The following TENM4 variants were observed in gnomAD, a reference collection of about 807,000 sequenced individuals.
The protein encoded by TENM4 is teneurin-4.
TENM4 carries 82 observed loss-of-function variants against 243.3 expected under a neutral mutation model. The ratio of observed to expected loss-of-function variants is 0.34; its 90% CI spans 0.28 to 0.40. The LOEUF (loss-of-function observed/expected upper bound fraction) is 0.40, where lower values mean the gene tolerates loss of function less well. Among genes scored for constraint, TENM4 ranks in the 10% least tolerant of loss-of-function variants. The probability of loss-of-function intolerance (pLI) is 1.00; values close to 1 mark genes in which losing one functional copy is unlikely to be tolerated. For synonymous variants in TENM4, 1,412 were observed against 1,456.3 expected (o/e 0.97, Z 0.69); for missense variants, 3,138 against 3,673.3 (o/e 0.85, Z 3.77).
intron 6 of TENM4, among the ~76,000 whole-genome samples, chr11:79,010,349 G>C (rs943221741): frequency 8.5e-5 from 13 of 152,162 alleles, no homozygotes; most frequent in Admixed American, 6.5e-5. Flanking sequence ...GAGGAATACA[G>C]AGTAAGTACT....
intron 1 of TENM4, among the ~76,000 whole-genome samples, chr11:79,339,901 A>T (rs994460866): frequency 5.3e-5 from 8 of 152,116 alleles, no homozygotes; most frequent in African/African-American, 1.7e-4. Context: ...GGTTGGGTGC[A>T]GGATGTGGGG....
intron 3 of TENM4, among the ~76,000 whole-genome samples, chr11:79,157,818 A>C (rs1339549426): frequency 5.3e-5 from 8 of 152,006 alleles, no homozygotes; most frequent in African/African-American, 1.4e-4. Flanking sequence ...GCTACTGTGA[A>C]CTCCAGAAGG....
intron 14 of TENM4, among the ~76,000 whole-genome samples, chr11:78,806,166 G>C (rs1040596783): frequency 7.9e-5 from 12 of 152,088 alleles, no homozygotes; most frequent in African/African-American, 2.7e-4. Flanking sequence ...AGGCATGGTG[G>C]CACACGCCTG....
chr11:78,798,880 T>A (rs1005225791), intron 15 of TENM4, among the ~76,000 whole-genome samples: 1 of 152,104 alleles, frequency 6.6e-6, no homozygotes, highest in Admixed American at 6.6e-5. Context: ...TGCTTCTGCT[T>A]TTGTGCTCCC....
At chr11:79,137,993 G>C (rs1244628894) in intron 4 of TENM4, among the ~76,000 whole-genome samples, 3 of 151,940 alleles carry the variant, frequency 2.0e-5, no homozygotes, top group African/African-American at 2.4e-5. Flanking sequence ...GGGTGTGTGT[G>C]TGAGGGTGTT....
intron 6 of TENM4, among the ~76,000 whole-genome samples, chr11:79,023,579 CATG>C (rs1858993370): frequency 3.7e-5 from 5 of 136,626 alleles, no homozygotes; most frequent in African/African-American, 1.4e-4. Flanking sequence ...AAAAAAAAAT[CATG>C]ATGACTCTTT....
chr11:79,050,866 A>G (rs1408149768), intron 6 of TENM4, among the ~76,000 whole-genome samples: 1 of 152,210 alleles, frequency 6.6e-6, no homozygotes, highest in Non-Finnish European at 1.5e-5. Flanking sequence ...AAGTGGCCTG[A>G]AGAAAATCAG....
chr11:78,804,685 G>A (rs1286492063), intron 15 of TENM4, among the ~76,000 whole-genome samples: 2 of 152,304 alleles, frequency 1.3e-5, no homozygotes, highest in East Asian at 3.9e-4. Context: ...ATGTGTTCAT[G>A]CATTCATTTA....
At position 78,687,356 on chromosome 11, in the gene TENM4, G is replaced by A. The variant is rs547631396; in HGVS notation, c.5260+698C>T. 2.6e-5 allele frequency among the ~76,000 whole-genome samples: 4 copies of A among 152,270 alleles called. No individual in the cohort carries two copies. In the East Asian group the frequency reaches 5.8e-4, roughly 22 times the overall value. ...ACCCTGAGGCTCCTTTCACTGCTTC[G>A]TGTGAAAGCCTTTGGAGGTACAAAG... On this transcript the variant is annotated intron_variant, in intron 29 of 33. Coordinates refer to ENST00000278550, the MANE Select transcript of TENM4 (RefSeq NM_001098816.3).
chr11:78,963,312 G>C (rs1411189171), intron 6 of TENM4, among the ~76,000 whole-genome samples: 1 of 152,186 alleles, frequency 6.6e-6, no homozygotes, highest in Non-Finnish European at 1.5e-5. Flanking sequence ...GGAGGCGATG[G>C]CTTGGGACAA....
At chr11:79,281,158 T>C (rs1052112969) in intron 2 of TENM4, among the ~76,000 whole-genome samples, 4 of 152,146 alleles carry the variant, frequency 2.6e-5, no homozygotes, top group Admixed American at 6.5e-5. Context: ...ACATTCAGAC[T>C]CAAAGGCAAC....
intron 2 of TENM4, among the ~76,000 whole-genome samples, chr11:79,283,213 A>C (rs200823749): frequency 0.01 from 1,366 of 136,008 alleles, 33 homozygotes; most frequent in East Asian, 0.082. Flanking sequence ...CACACACACA[A>C]ACACACACAC....
chr11:78,971,363 C>T (rs548223285), intron 6 of TENM4, among the ~76,000 whole-genome samples: 5 of 152,200 alleles, frequency 3.3e-5, no homozygotes, highest in East Asian at 1.9e-4. Context: ...AGTGCAGTGG[C>T]GCAATCTCGG....
intron 1 of TENM4, among the ~76,000 whole-genome samples, chr11:79,376,205 C>G (rs1006012726): frequency 6.6e-6 from 1 of 152,220 alleles, no homozygotes; most frequent in Non-Finnish European, 1.5e-5. Flanking sequence ...CTTGCAGAAG[C>G]TGTCCCTTCT....
rs575112013 is a variant in TENM4 at position 78,908,477 on chromosome 11, C to T, written c.494-4954G>A. ...CTGAATCATCACCATGGTGATCACT[C>T]TTCAGCGTTTACAACAGGGGTTCCA... is the stretch of plus-strand genomic sequence containing the variant. On this transcript the variant is annotated intron_variant, in intron 6 of 33. Coordinates refer to ENST00000278550, the MANE Select transcript of TENM4 (RefSeq NM_001098816.3). 2.1e-4 allele frequency among the ~76,000 whole-genome samples: 32 copies of T among 152,328 alleles called. No homozygotes were observed. The South Asian group carries it at 3.7e-3, about 18-fold the overall frequency.
At chr11:79,368,116 C>G (rs1857711655) in intron 1 of TENM4, among the ~76,000 whole-genome samples, 1 of 152,146 alleles carries the variant, frequency 6.6e-6, no homozygotes, top group South Asian at 2.1e-4. Flanking sequence ...CACCCCAAGA[C>G]TAGGGACTCC....
chr11:79,095,349 T>G (rs2137062459), intron 4 of TENM4, among the ~76,000 whole-genome samples: 1 of 152,330 alleles, frequency 6.6e-6, no homozygotes, highest in African/African-American at 2.4e-5. Context: ...TCTTGCCCTC[T>G]GCCTCCTTGC....
intron 3 of TENM4, among the ~76,000 whole-genome samples, chr11:79,205,272 T>A (rs1051392345): frequency 1.3e-5 from 2 of 152,178 alleles, no homozygotes; most frequent in African/African-American, 4.8e-5. Context: ...TATAAAATAC[T>A]GTCATAGCCA....
intron 7 of TENM4, among the ~76,000 whole-genome samples, chr11:78,895,604 A>G (rs967563522): frequency 6.6e-6 from 1 of 152,122 alleles, no homozygotes; most frequent in African/African-American, 2.4e-5. Flanking sequence ...TCTGAGAAAC[A>G]AATGCCCACC....
Sources: gnomAD v4.1 joint callset for allele counts (sites outside exome capture counted in the v4.1 genomes callset) on GRCh38, gnomAD v4.1.1 for gene constraint, MANE v1.5 for transcripts, NCBI Gene and HGNC (gene_info 2026-07-23, HGNC 2026-07-21) for gene names.